The following CSMD3 variants were observed in gnomAD, a reference collection of about 807,000 sequenced individuals.
The protein encoded by CSMD3 is CUB and Sushi multiple domains 3.
Under a neutral mutation model 435.2 loss-of-function variants are expected in CSMD3, and 177 were observed. That is an observed-to-expected ratio of 0.41 (90% CI 0.36 to 0.46). The LOEUF (loss-of-function observed/expected upper bound fraction) is 0.46. Ranked by LOEUF, CSMD3 falls within the 20% of genes least tolerant of loss-of-function variation. The pLI, the probability that CSMD3 is intolerant of heterozygous loss-of-function variation, is 0.34. For missense variants in CSMD3, 4,265 were observed against 4,504.6 expected (o/e 0.95, Z 1.52); for synonymous variants, 1,656 against 1,520.5 (o/e 1.09, Z -2.07).
chr8:112,295,523 C>A (rs559504453), intron 54 of CSMD3, among the ~76,000 whole-genome samples: 1 of 151,592 alleles, frequency 6.6e-6, no homozygotes. Context: ...AAATTTAAAC[C>A]CTTATAATTA....
intron 10 of CSMD3, among the ~76,000 whole-genome samples, chr8:112,883,914 G>T (rs974901294): frequency 6.6e-6 from 1 of 151,812 alleles, no homozygotes; most frequent in East Asian, 1.9e-4. Flanking sequence ...GGTTGAGCAC[G>T]AGTTTCTGAG....
In CSMD3 at chr8:113,213,311, T is replaced by G. The variant is rs562230714; in HGVS notation, c.515-39395A>C. 2.6e-5 allele frequency among the ~76,000 whole-genome samples: 4 copies of G among 152,194 alleles called. No individual in the cohort carries two copies. In the South Asian group the frequency reaches 6.2e-4, roughly 24 times the overall value. ...AAAGATCAGAGAGAAGCCTTTAAAT[T>G]TCTGTGACATGCCAGCATGAACACA... is the stretch of plus-strand genomic sequence containing the variant. On this transcript the variant is annotated intron_variant, in intron 3 of 70. Coordinates refer to ENST00000297405, the MANE Select transcript of CSMD3 (RefSeq NM_198123.2).
chr8:113,047,264 C>T (rs1041026457), intron 5 of CSMD3, among the ~76,000 whole-genome samples: 23 of 152,218 alleles, frequency 1.5e-4, no homozygotes, highest in Admixed American at 1.0e-3. Flanking sequence ...CTATCTCTTA[C>T]TTAAAATGTA....
intron 13 of CSMD3, among the ~76,000 whole-genome samples, chr8:112,794,652 G>A (rs1406832485): frequency 6.6e-6 from 1 of 151,936 alleles, no homozygotes; most frequent in East Asian, 1.9e-4. Flanking sequence ...CTGTAGAGCT[G>A]TACAGAATTA....
At chr8:112,345,441 A>T (rs1167673680) in intron 41 of CSMD3, among the ~76,000 whole-genome samples, 6 of 152,164 alleles carry the variant, frequency 3.9e-5, no homozygotes, top group Non-Finnish European at 7.4e-5. Flanking sequence ...CATATACAAC[A>T]AAATGGATGA....
intron 22 of CSMD3, among the ~76,000 whole-genome samples, chr8:112,596,721 A>G (rs1419838960): frequency 6.6e-6 from 1 of 152,016 alleles, no homozygotes. Context: ...CTCACTCAAA[A>G]CCGCTCAACT....
At chr8:112,820,381 G>C (rs2079495712) in intron 12 of CSMD3, among the ~76,000 whole-genome samples, 1 of 151,934 alleles carries the variant, frequency 6.6e-6, no homozygotes. Flanking sequence ...ATACATAGAG[G>C]TTTTCCTTTC....
Position 112,666,529 on chromosome 8 carries a change from A to T in CSMD3, c.2678-114T>A, listed in dbSNP as rs2075530080. 4.6e-6 allele frequency: 4 copies of T among 876,738 alleles called. No individual in the cohort carries two copies. The African/African-American group carries it at 6.8e-5, about 15-fold the overall frequency. 54.3% of individuals were successfully genotyped at this position (876,738 alleles called of 1,614,324 possible). A position where few individuals can be genotyped will look rare whatever the true frequency, so the allele number is the denominator to read the frequency against. On this transcript the variant is annotated intron_variant, in intron 16 of 70. Transcript: ENST00000297405. ...CTCTGCATATCCTTATTAAATAGTT[A>T]ATACTATTTTTGAAAGCAATGGTAC...
At chr8:113,076,960 G>A (rs2089365707) in intron 5 of CSMD3, among the ~76,000 whole-genome samples, 1 of 152,122 alleles carries the variant, frequency 6.6e-6, no homozygotes, top group South Asian at 2.1e-4. Context: ...GATGGAGAAG[G>A]TTGCCAGGTA....
At chr8:112,729,554 G>A (rs188498752) in intron 13 of CSMD3, among the ~76,000 whole-genome samples, 69 of 152,116 alleles carry the variant, frequency 4.5e-4, no homozygotes, top group South Asian at 1.2e-3. Context: ...TTAACTTTTC[G>A]GAAAAATGAT....
At chr8:112,681,596 T>C (rs537412255) in intron 16 of CSMD3, among the ~76,000 whole-genome samples, 1 of 152,234 alleles carries the variant, frequency 6.6e-6, no homozygotes, top group Admixed American at 6.5e-5. Flanking sequence ...CCAAGAGCAG[T>C]GGCTCATGCC....
chr8:112,664,848 A>AAGTGT (rs2075480579), intron 17 of CSMD3, among the ~76,000 whole-genome samples: 1 of 152,140 alleles, frequency 6.6e-6, no homozygotes, highest in Admixed American at 6.6e-5. Flanking sequence ...TTGATCTTGA[A>AAGTGT]CTTCTAGCCT....
intron 4 of CSMD3, among the ~76,000 whole-genome samples, chr8:113,126,627 T>A (rs2091139658): frequency 6.6e-6 from 1 of 151,792 alleles, no homozygotes; most frequent in African/African-American, 2.4e-5. Context: ...GGAAATAGTA[T>A]CGTAGATTGG....
At chr8:113,046,283 C>T (rs1374502309) in intron 5 of CSMD3, among the ~76,000 whole-genome samples, 1 of 149,194 alleles carries the variant, frequency 6.7e-6, no homozygotes, top group African/African-American at 2.4e-5. Context: ...AAAGGAAAAG[C>T]CCTAAAACCC....
intron 27 of CSMD3, among the ~76,000 whole-genome samples, chr8:112,548,000 G>A (rs1238758876): frequency 1.3e-5 from 2 of 152,128 alleles, no homozygotes; most frequent in Non-Finnish European, 2.9e-5. Context: ...GCACTGAAGT[G>A]GCAAACATGA....
intron 63 of CSMD3, among the ~76,000 whole-genome samples, chr8:112,252,114 C>T (rs1020358999): frequency 1.3e-5 from 2 of 151,714 alleles, no homozygotes; most frequent in Non-Finnish European, 3.0e-5. Context: ...GATCTGAGTG[C>T]CTCTGTAGTT....
At chr8:113,008,125 TA>T (rs2086126462) in intron 6 of CSMD3, among the ~76,000 whole-genome samples, 1 of 151,876 alleles carries the variant, frequency 6.6e-6, no homozygotes, top group Non-Finnish European at 1.5e-5. Context: ...GAGTATTTTT[TA>T]AATTATTAAC....
chr8:113,383,302 A>G (rs2094425280), intron 1 of CSMD3, among the ~76,000 whole-genome samples: 1 of 152,180 alleles, frequency 6.6e-6, no homozygotes, highest in African/African-American at 2.4e-5. Flanking sequence ...ACCTGTGCAA[A>G]TCTGTGCTGT....
At chr8:112,531,504 A>ATGAAGAGACTCCTGTTTGAGG (rs1825535622) in intron 27 of CSMD3, among the ~76,000 whole-genome samples, 1 of 152,128 alleles carries the variant, frequency 6.6e-6, no homozygotes, top group Admixed American at 6.5e-5. Context: ...GCAGCTGAGT[A>ATGAAGAGACTCCTGTTTGAGG]TGAAGAGACT....
Sources: allele counts gnomAD v4.1 joint callset (sites outside exome capture counted in the v4.1 genomes callset), GRCh38; gene constraint gnomAD v4.1.1; transcripts MANE v1.5; gene names NCBI Gene and HGNC (gene_info 2026-07-23, HGNC 2026-07-21).